RMI2: variants seen among roughly 807,000 people sequenced by gnomAD.
The protein encoded by RMI2 is RecQ mediated genome instability 2, also known as recQ-mediated genome instability protein 2.
A neutral mutation model predicts 8.4 loss-of-function variants in RMI2; 11 were observed. That is an observed-to-expected ratio of 1.32 (90% CI 0.83 to 2.18). RMI2 has a LOEUF of 2.18. Among genes scored for constraint, RMI2 ranks in the 30% most tolerant of loss-of-function variants. The probability of loss-of-function intolerance (pLI) is 0.00; values close to 1 mark genes in which losing one functional copy is unlikely to be tolerated. For missense variants in RMI2, 253 were observed against 207.5 expected, an observed-to-expected ratio of 1.22 and a Z score of -1.35; for synonymous variants, 105 against 93.8, an observed-to-expected ratio of 1.12 and a Z score of -0.69.
rs376802885 is a variant in RMI2, at chr16:11,350,896, C to T, written c.*106C>T. On this transcript the variant is annotated 3_prime_UTR_variant, in exon 2 of 2. Coordinates refer to ENST00000312499, the MANE Select transcript of RMI2 (RefSeq NM_152308.3). ...CTTTTCAATGCGTATTTTTCAAATG[C>T]TTCTCAGAGAGCCTTGCTTTGGTTG... is the stretch of plus-strand genomic sequence containing the variant. 23 of 959,416 alleles carry T rather than the reference C, an allele frequency of 2.4e-5. No individual in the cohort carries two copies. In the East Asian group the frequency reaches 2.6e-4, roughly 11 times the overall value. 59.4% of individuals were successfully genotyped at this position (959,416 alleles called of 1,614,324 possible).
At position 11,350,677 on chromosome 16, in the gene RMI2, T is replaced by C; in HGVS notation, c.331T>C (p.Cys111Arg). Residue 111 changes from cysteine to arginine, a missense_variant, in exon 2 of 2, where the codon TGC (cysteine) becomes CGC (arginine). Coordinates refer to ENST00000312499, the MANE Select transcript of RMI2 (RefSeq NM_152308.3). ...GATGGTGATGGGAGTGGTTCAGGCCTGCAGCCCTGAGCCCTGCCTGCAGGC... is the reference window on the plus strand; with the variant it reads ...GATGGTGATGGGAGTGGTTCAGGCCCGCAGCCCTGAGCCCTGCCTGCAGGC... ...YVMVMGVVQA[C>R]SPEPCLQAVK... is the part of the protein sequence containing the mutation. 1 of 1,610,972 alleles carries C rather than the reference T, an allele frequency of 6.2e-7. No individual in the cohort carries two copies. The highest frequency in any genetic ancestry group is 1.1e-5 in the South Asian group (1 of 90,438).
rs1438843498 is a variant in RMI2, at chr16:11,345,575, A to AGGGCGGCCCGGGCGCGTGGCGGC, written c.105_127dup (p.Leu43ArgfsTer30). 2 of 1,224,794 alleles carry AGGGCGGCCCGGGCGCGTGGCGGC rather than the reference A, an allele frequency of 1.6e-6. No individual in the cohort carries two copies. The highest frequency in any genetic ancestry group is 2.0e-6 in the Non-Finnish European group (2 of 984,558). 75.9% of individuals were successfully genotyped at this position (1,224,794 alleles called of 1,614,324 possible). On this transcript the variant is annotated frameshift_variant, in exon 1 of 2. Coordinates refer to ENST00000312499, the MANE Select transcript of RMI2 (RefSeq NM_152308.3). LOFTEE classifies it high-confidence loss of function. ...GCGGAGCAGCTGCGGCGCGACGCGG[A>AGGGCGGCCCGGGCGCGTGGCGGC]GGGCGGCCCGGGCGCGTGGCGGCTG...
At position 11,345,695 on chromosome 16, in the gene RMI2, G is replaced by A; in HGVS notation, c.224G>A (p.Arg75Lys). The change falls in exon 1 of 2, where the codon AGG (arginine) becomes AAG (lysine). Residue 75 changes from arginine to lysine, a missense_variant. Coordinates refer to ENST00000312499, the MANE Select transcript of RMI2 (RefSeq NM_152308.3). ...GCGGACCGCGGCGAGGCTCGGCTGA[G>A]GGACCCGAGCGGGGACTTCTCGGTC... ...VMADRGEARL[R>K]DPSGDFSVRG... The A allele has an allele frequency of 7.9e-7, 1 of 1,267,104 alleles. No homozygotes were observed. Among genetic ancestry groups the A allele is most frequent in the Non-Finnish European group, 9.9e-7 (1 of 1,008,244 alleles). The allele number at this position is 1,267,104 out of a possible 1,614,324, so 78.5% of individuals were successfully genotyped here.
rs1006825351 is a variant in RMI2, at chr16:11,345,530, C to T, written c.59C>T (p.Ser20Leu). ...CCCGCGGGGGTGCGGCTTCCGAGGTCGCCGCCACTCAAGGTGCTGGCGGAG... is the reference window on the plus strand; with the variant it reads ...CCCGCGGGGGTGCGGCTTCCGAGGTTGCCGCCACTCAAGGTGCTGGCGGAG... ...GGPAGVRLPR[S>L]PPLKVLAEQL... The change falls in exon 1 of 2, where the codon TCG becomes TTG. Residue 20 changes from serine (S) to leucine (L), a missense_variant. Coordinates refer to ENST00000312499, the MANE Select transcript of RMI2 (RefSeq NM_152308.3). The T allele has an allele frequency of 5.4e-6, 7 of 1,287,606 alleles. No homozygotes were observed. The highest frequency in any genetic ancestry group is 5.8e-4 in the Middle Eastern group (2 of 3,454). The allele number at this position is 1,287,606 out of a possible 1,614,324, so 79.8% of individuals were successfully genotyped here.
In RMI2 at chr16:11,350,912, G is replaced by A; in HGVS notation, c.*122G>A. 1.2e-6 allele frequency: 1 copy of A among 835,158 alleles called. No homozygotes were observed. The highest frequency in any genetic ancestry group is 1.8e-6 in the Non-Finnish European group (1 of 562,570). 51.7% of individuals were successfully genotyped at this position (835,158 alleles called of 1,614,324 possible). A position where few individuals can be genotyped will look rare whatever the true frequency, so the allele number is the denominator to read the frequency against. ...TTTCAAATGCTTCTCAGAGAGCCTT[G>A]CTTTGGTTGACCAAGGAGTCCGGAT... is the stretch of plus-strand genomic sequence containing the variant. On this transcript the variant is annotated 3_prime_UTR_variant, in exon 2 of 2. Coordinates refer to ENST00000312499, the MANE Select transcript of RMI2 (RefSeq NM_152308.3).
intron 1 of RMI2, among the ~76,000 whole-genome samples, chr16:11,346,213 T>C (rs1385927020): frequency 1.3e-5 from 2 of 151,644 alleles, no homozygotes; most frequent in African/African-American, 4.8e-5. Flanking sequence ...TCTCCTTAAT[T>C]GAACTGTCTT....
In RMI2 at chr16:11,350,733, C is replaced by T; in HGVS notation, c.387C>T (p.Pro129=). 6.2e-7 allele frequency: 1 copy of T among 1,613,462 alleles called. No homozygotes were observed. The highest frequency in any genetic ancestry group is 1.1e-5 in the South Asian group (1 of 91,032). ...AGATGACAGACCTTTCTGATAATCCCATCCATGAAAGTATGTGGGAACTGG... is the reference window on the plus strand; with the variant it reads ...AGATGACAGACCTTTCTGATAATCCTATCCATGAAAGTATGTGGGAACTGG... ...AVKMTDLSDN[P]IHESMWELEV... Residue 129 remains proline, a synonymous_variant, in exon 2 of 2, where the codon CCC becomes CCT. Transcript: ENST00000312499.
Position 11,350,933 on chromosome 16 carries a change from C to T in RMI2, c.*143C>T, listed in dbSNP as rs1361283332. 11 of 618,480 alleles carry T rather than the reference C, an allele frequency of 1.8e-5. No homozygotes were observed. The highest frequency in any genetic ancestry group is 1.2e-4 in the African/African-American group (6 of 52,162). 38.3% of individuals were successfully genotyped at this position (618,480 alleles called of 1,614,324 possible). ...CCTTGCTTTGGTTGACCAAGGAGTC[C>T]GGATGTAGGAATGTTTAAATCCTCG... On this transcript the variant is annotated 3_prime_UTR_variant, in exon 2 of 2. Coordinates refer to ENST00000312499, the MANE Select transcript of RMI2 (RefSeq NM_152308.3).
rs2070847193 is a variant in RMI2, at chr16:11,345,497, C to T, written c.26C>T (p.Ser9Leu). ...ATGGCGGCGGCTGCGGACTCGTTCT[C>T]AGGCGGCCCCGCGGGGGTGCGGCTT... is the stretch of plus-strand genomic sequence containing the variant. MAAAADSF[S>L]GGPAGVRLPR... The change falls in exon 1 of 2, where the codon TCA becomes TTA. Residue 9 changes from serine to leucine, a missense_variant. Transcript: ENST00000312499. 7.6e-7 allele frequency: 1 copy of T among 1,315,604 alleles called. No homozygotes were observed. The highest frequency in any genetic ancestry group is 9.7e-7 in the Non-Finnish European group (1 of 1,027,400). 81.5% of individuals were successfully genotyped at this position (1,315,604 alleles called of 1,614,324 possible). A position where few individuals can be genotyped will look rare whatever the true frequency, so the allele number is the denominator to read the frequency against.
chr16:11,351,242 A>G lies in RMI2; in HGVS notation c.*452A>G, dbSNP rs2070967944. Reference sequence around the variant, plus strand: ...GGAAGACAGACTGTGTAAAAAAGGAATGACATCCTGGCTCCTCATCTTCTT... The same window carrying G: ...GGAAGACAGACTGTGTAAAAAAGGAGTGACATCCTGGCTCCTCATCTTCTT... On this transcript the variant is annotated 3_prime_UTR_variant, in exon 2 of 2. Transcript: ENST00000312499. 8.6e-6 allele frequency: 2 copies of G among 233,320 alleles called. No individual in the cohort carries two copies. Among genetic ancestry groups the G allele is most frequent in the East Asian group, 1.2e-4 (2 of 16,532 alleles). The allele number at this position is 233,320 out of a possible 1,614,324, so 14.5% of individuals were successfully genotyped here. A position where few individuals can be genotyped will look rare whatever the true frequency, so the allele number is the denominator to read the frequency against.
At chr16:11,347,845 G>A (rs560873055) in intron 1 of RMI2, among the ~76,000 whole-genome samples, 4 of 152,314 alleles carry the variant, frequency 2.6e-5, no homozygotes, top group Non-Finnish European at 4.4e-5. Context: ...CAGTGACGCA[G>A]TCATGGCTTG....
chr16:11,346,877 C>T (rs1042130210), intron 1 of RMI2, among the ~76,000 whole-genome samples: 1 of 152,234 alleles, frequency 6.6e-6, no homozygotes, highest in African/African-American at 2.4e-5. Flanking sequence ...AGGCCTGTAC[C>T]ACCACGCCTG....
rs1440133277 is a variant in RMI2, at chr16:11,351,232, T to TA, written c.*448dup. 2 of 233,222 alleles carry TA rather than the reference T, an allele frequency of 8.6e-6. No homozygotes were observed. Among genetic ancestry groups the TA allele is most frequent in the Non-Finnish European group, 1.7e-5 (2 of 118,154 alleles). 14.4% of individuals were successfully genotyped at this position (233,222 alleles called of 1,614,324 possible). ...GTTATGGGCAGGAAGACAGACTGTG[T>TA]AAAAAAGGAATGACATCCTGGCTCC... On this transcript the variant is annotated 3_prime_UTR_variant, in exon 2 of 2. Coordinates refer to ENST00000312499, the MANE Select transcript of RMI2 (RefSeq NM_152308.3).
At chr16:11,347,432 G>A (rs1430825388) in intron 1 of RMI2, among the ~76,000 whole-genome samples, 1 of 152,176 alleles carries the variant, frequency 6.6e-6, no homozygotes, top group Admixed American at 6.5e-5. Context: ...GGCTTAGGTC[G>A]AATTTCTGGT....
intron 1 of RMI2, 124 bp downstream of exon 1, chr16:11,345,890 C>G (rs1471122642): frequency 3.9e-6 from 3 of 769,838 alleles, no homozygotes; most frequent in Non-Finnish European, 5.3e-6. Flanking sequence ...TCCTCCGGGC[C>G]TCTGCCCCTG....
In RMI2 at chr16:11,345,504, C is replaced by T. The variant is rs1426306713; in HGVS notation, c.33C>T (p.Gly11=). 1.5e-6 allele frequency: 2 copies of T among 1,310,686 alleles called. No individual in the cohort carries two copies. Among genetic ancestry groups the T allele is most frequent in the South Asian group, 2.2e-5 (1 of 44,736 alleles). 81.2% of individuals were successfully genotyped at this position (1,310,686 alleles called of 1,614,324 possible). A position where few individuals can be genotyped will look rare whatever the true frequency, so the allele number is the denominator to read the frequency against. Residue 11 remains glycine (G), a synonymous_variant, in exon 1 of 2, where the codon GGC becomes GGT. Coordinates refer to ENST00000312499, the MANE Select transcript of RMI2 (RefSeq NM_152308.3). The part of the protein sequence containing the change: MAAAADSFSG[G]PAGVRLPRSP... Reference sequence around the variant, plus strand: ...CGGCTGCGGACTCGTTCTCAGGCGGCCCCGCGGGGGTGCGGCTTCCGAGGT... The same window carrying T: ...CGGCTGCGGACTCGTTCTCAGGCGGTCCCGCGGGGGTGCGGCTTCCGAGGT...
intron 1 of RMI2, among the ~76,000 whole-genome samples, chr16:11,350,415 C>A (rs1322407730): frequency 1.3e-5 from 2 of 152,094 alleles, no homozygotes; most frequent in African/African-American, 2.4e-5. Flanking sequence ...ACATGTGAAA[C>A]CCTATCTCTA....
At chr16:11,350,282 C>T (rs994343078) in intron 1 of RMI2, among the ~76,000 whole-genome samples, 13 of 152,150 alleles carry the variant, frequency 8.5e-5, no homozygotes, top group African/African-American at 2.9e-4. Flanking sequence ...TTTGTTTGGC[C>T]TAGTAAAATC....
At position 11,346,797 on chromosome 16, in the gene RMI2, C is replaced by T. The variant is rs141287192; in HGVS notation, c.295+1031C>T. Among the ~76,000 whole-genome samples, 690 of 152,322 alleles carry T rather than the reference C, an allele frequency of 4.5e-3. 5 individuals are homozygous for T. The highest frequency in any genetic ancestry group is 5.2e-3 in the Non-Finnish European group (357 of 68,022). On this transcript the variant is annotated intron_variant, in intron 1 of 1. Transcript: ENST00000312499. ...TATTTATTTGAGATAGGGGACTCAC[C>T]GTGTTGCCCAGGCTGGCCCTGAGCT...
Sources: allele counts gnomAD v4.1 joint callset (sites outside exome capture counted in the v4.1 genomes callset), GRCh38; gene constraint gnomAD v4.1.1; transcripts MANE v1.5; gene names NCBI Gene and HGNC (gene_info 2026-07-23, HGNC 2026-07-21).